USH2A: variants seen among roughly 807,000 people sequenced by gnomAD.
USH2A encodes the protein usherin.
In USH2A, 443 loss-of-function variants were observed where a neutral mutation model predicts 538.9. That is an observed-to-expected ratio of 0.82 (90% CI 0.76 to 0.89). The LOEUF is 0.89. USH2A is among the 40% of genes least tolerant of loss of function. The pLI is 0.00. For synonymous variants in USH2A, 2,413 were observed against 2,273.5 expected, an observed-to-expected ratio of 1.06 and a Z score of -1.75; for missense variants, 6,633 against 6,324.8, an observed-to-expected ratio of 1.05 and a Z score of -1.65.
At chr1:216,358,873 T>C (rs1345537199) in intron 4 of USH2A, among the ~76,000 whole-genome samples, 1 of 152,148 alleles carries the variant, frequency 6.6e-6, no homozygotes, top group Non-Finnish European at 1.5e-5. Flanking sequence ...TTTTGAAGCA[T>C]TAATCCAACA....
At chr1:215,805,934 T>C (rs966960246) in intron 49 of USH2A, among the ~76,000 whole-genome samples, 10 of 145,346 alleles carry the variant, frequency 6.9e-5, no homozygotes, top group Non-Finnish European at 1.2e-4. Context: ...TAAGGGACAC[T>C]GGGAGAACAC....
At chr1:216,175,565 AT>A (rs2034361955) in intron 20 of USH2A, 83 bp from the exon 21 acceptor site, 1 of 1,223,232 alleles carries the variant, frequency 8.2e-7, no homozygotes, top group Non-Finnish European at 1.2e-6. Context: ...GTATATATGT[AT>A]TTGTATATAT....
intron 37 of USH2A, among the ~76,000 whole-genome samples, chr1:215,957,342 C>T (rs1235375376): frequency 1.3e-5 from 2 of 152,098 alleles, no homozygotes; most frequent in African/African-American, 4.8e-5. Flanking sequence ...AAAAGAACTC[C>T]TTATCATGAC....
At chr1:215,809,389 G>T (rs1292322322) in intron 49 of USH2A, among the ~76,000 whole-genome samples, 1 of 151,464 alleles carries the variant, frequency 6.6e-6, no homozygotes, top group Non-Finnish European at 1.5e-5. Flanking sequence ...AATTGGTTTA[G>T]ATATTTTAGC....
intron 44 of USH2A, among the ~76,000 whole-genome samples, chr1:215,864,844 T>C (rs1444801471): frequency 6.6e-6 from 1 of 152,132 alleles, no homozygotes; most frequent in East Asian, 1.9e-4. Flanking sequence ...TAATAACTTA[T>C]ACATATCAAT....
Position 216,048,538 on chromosome 1 carries a change from T to C in USH2A, c.6159A>G (p.Gln2053=). 6.2e-7 allele frequency: 1 copy of C among 1,613,790 alleles called. No individual in the cohort carries two copies. Among genetic ancestry groups the C allele is most frequent in the South Asian group, 1.1e-5 (1 of 91,086 alleles). ...SSHALNISTP[Q]EAPQEVQPPV... is the part of the protein sequence containing the mutation. The stretch of plus-strand genomic sequence containing the variant: ...AGACCTTTGAAATTACTTTACCTTC[T>C]TGTGGAGTAGAGATGTTCAATGCAT... The change falls in exon 31 of 72, where the codon CAA becomes CAG. Residue 2053 remains glutamine (Q), a synonymous_variant. Transcript: ENST00000307340.
chr1:215,878,178 G>C (rs572289997), intron 42 of USH2A, among the ~76,000 whole-genome samples: 1 of 151,902 alleles, frequency 6.6e-6, no homozygotes, highest in Admixed American at 6.6e-5. Context: ...TGCCAGTTTC[G>C]CACAAAGTAG....
chr1:215,639,087 A>G lies in USH2A; in HGVS notation c.15052+68T>C, dbSNP rs998748277. ...ATATTAGGACTCCAAGTATGTATAA[A>G]CAAACATATGTGTGTTTCTTGAGGA... On this transcript the variant is annotated intron_variant, in intron 69 of 71. Coordinates refer to ENST00000307340, the MANE Select transcript of USH2A (RefSeq NM_206933.4). 3.4e-6 allele frequency: 5 copies of G among 1,459,184 alleles called. No homozygotes were observed. In the African/African-American group the frequency reaches 7.0e-5, roughly 20 times the overall value. The allele number at this position is 1,459,184 out of a possible 1,614,324, so 90.4% of individuals were successfully genotyped here.
rs2036066709 is a variant in USH2A at position 216,247,103 on chromosome 1, C to A, written c.2291G>T (p.Gly764Val). 6.2e-7 allele frequency: 1 copy of A among 1,613,850 alleles called. No homozygotes were observed. The highest frequency in any genetic ancestry group is 8.5e-7 in the Non-Finnish European group (1 of 1,179,950). The change falls in exon 13 of 72, where the codon GGG becomes GTG. Residue 764 changes from glycine to valine, a missense_variant. Physicochemically the swap from Gly to Val is moderately radical, Grantham distance 109 (BLOSUM62 -3). Coordinates refer to ENST00000307340, the MANE Select transcript of USH2A (RefSeq NM_206933.4). ...GGCTTCTTTTTTGCACTCACACTGC[C>A]CAGAGTGAGGATTGCAGAATTTGTT... ...SVNKFCNPHS[G>V]QCECKKEAKG...
chr1:216,217,840 C>G (rs918673196), intron 14 of USH2A, among the ~76,000 whole-genome samples: 1 of 152,010 alleles, frequency 6.6e-6, no homozygotes, highest in Admixed American at 6.6e-5. Flanking sequence ...CACAATATAT[C>G]TTATGGATTA....
intron 3 of USH2A, among the ~76,000 whole-genome samples, chr1:216,409,597 T>C (rs2039451184): frequency 1.3e-5 from 2 of 152,024 alleles, no homozygotes; most frequent in Admixed American, 1.3e-4. Flanking sequence ...CACCATCTGA[T>C]CTTTGAGAAA....
rs1657296310 is a variant in USH2A at position 215,657,431 on chromosome 1, G to A, written c.14134-6630C>T. ...ATTACAAGATTGTTTTATTTCATGA[G>A]TAGCCCTGCAGGCTCCAGTTATGAA... is the stretch of plus-strand genomic sequence containing the variant. On this transcript the variant is annotated intron_variant, in intron 64 of 71. Coordinates refer to ENST00000307340, the MANE Select transcript of USH2A (RefSeq NM_206933.4). Among the ~76,000 whole-genome samples, 13 of 152,330 alleles carry A rather than the reference G, an allele frequency of 8.5e-5. No individual in the cohort carries two copies. In the South Asian group the frequency reaches 2.7e-3, roughly 32 times the overall value.
chr1:216,298,854 T>C (rs1209548575), intron 9 of USH2A, among the ~76,000 whole-genome samples: 1 of 151,898 alleles, frequency 6.6e-6, no homozygotes, highest in African/African-American at 2.4e-5. Flanking sequence ...TTTTTTTTTT[T>C]TTTTGAGACG....
chr1:216,264,201 A>G (rs1005124718), intron 11 of USH2A, among the ~76,000 whole-genome samples: 1 of 152,198 alleles, frequency 6.6e-6, no homozygotes, highest in South Asian at 2.1e-4. Flanking sequence ...TACAGATTCA[A>G]TATGATTCCT....
At position 216,269,079 on chromosome 1, in the gene USH2A, CAGA is replaced by C. The variant is rs143132652; in HGVS notation, c.1972-17984_1972-17982del. Among the ~76,000 whole-genome samples the C allele has an allele frequency of 9.9e-3, 1,501 of 152,110 alleles. 23 individuals carry two copies. The highest frequency in any genetic ancestry group is 0.034 in the African/African-American group (1,403 of 41,492). Reference sequence around the variant, plus strand: ...TGAAAATACATGAATCTTCATTTGACAGAAGAAGAATTTAAACCTTAGAAAGAT... The same window carrying C: ...TGAAAATACATGAATCTTCATTTGACAGAAGAATTTAAACCTTAGAAAGAT... On this transcript the variant is annotated intron_variant, in intron 11 of 71. Coordinates refer to ENST00000307340, the MANE Select transcript of USH2A (RefSeq NM_206933.4).
intron 15 of USH2A, among the ~76,000 whole-genome samples, chr1:216,214,850 G>T (rs950052608): frequency 2.6e-5 from 4 of 152,010 alleles, no homozygotes; most frequent in African/African-American, 9.7e-5. Context: ...GTGGCTAATT[G>T]TATACGTGTG....
intron 61 of USH2A, among the ~76,000 whole-genome samples, chr1:215,706,071 A>G (rs1263738962): frequency 1.3e-5 from 2 of 152,196 alleles, no homozygotes; most frequent in Admixed American, 6.5e-5. Flanking sequence ...CAGATAAGGA[A>G]ATGGATGAAA....
chr1:216,130,941 C>G (rs2033363969), intron 21 of USH2A, among the ~76,000 whole-genome samples: 1 of 151,712 alleles, frequency 6.6e-6, no homozygotes, highest in Non-Finnish European at 1.5e-5. Flanking sequence ...AAGAAATGCT[C>G]CCTGTTCACC....
At chr1:215,686,611 T>A (rs1184681993) in intron 61 of USH2A, among the ~76,000 whole-genome samples, 2 of 152,094 alleles carry the variant, frequency 1.3e-5, no homozygotes, top group African/African-American at 4.8e-5. Flanking sequence ...GCAAAAAATT[T>A]AAGACCTAAT....
Sources: gnomAD v4.1 joint callset for allele counts (sites outside exome capture counted in the v4.1 genomes callset) on GRCh38, gnomAD v4.1.1 for gene constraint, MANE v1.5 for transcripts, NCBI Gene and HGNC (gene_info 2026-07-23, HGNC 2026-07-21) for gene names.